The following SRBD1 variants were observed in gnomAD, a reference collection of about 807,000 sequenced individuals.
SRBD1 encodes the protein S1 RNA-binding domain-containing protein 1.
SRBD1 carries 88 observed loss-of-function variants against 115.3 expected under a neutral mutation model. The ratio of observed to expected loss-of-function variants is 0.76; its 90% CI spans 0.64 to 0.91. The LOEUF (loss-of-function observed/expected upper bound fraction) is 0.91, where lower values mean the gene tolerates loss of function less well. Among genes scored for constraint, SRBD1 ranks in the 40% least tolerant of loss-of-function variants. The probability of loss-of-function intolerance (pLI) is 0.00; values close to 1 mark genes in which losing one functional copy is unlikely to be tolerated. For synonymous variants in SRBD1, 509 were observed against 407.7 expected, an observed-to-expected ratio of 1.25 and a Z score of -2.99; for missense variants, 1,385 against 1,177.4, an observed-to-expected ratio of 1.18 and a Z score of -2.58.
chr2:45,608,770 T>C (rs772428782), intron 1 of SRBD1, among the ~76,000 whole-genome samples: 34 of 151,696 alleles, frequency 2.2e-4, no homozygotes, highest in Non-Finnish European at 4.3e-4. Context: ...GTCCTTCCCA[T>C]CTCAATAAGT....
intron 18 of SRBD1, 27 bp downstream of exon 18, chr2:45,418,338 A>G (rs1382911622): frequency 6.2e-7 from 1 of 1,601,024 alleles, no homozygotes; most frequent in Non-Finnish European, 8.5e-7. Context: ...GGTTGACAAT[A>G]GAATCAAAGT....
At chr2:45,568,533 A>C (rs891263630) in intron 9 of SRBD1, among the ~76,000 whole-genome samples, 5 of 152,204 alleles carry the variant, frequency 3.3e-5, no homozygotes, top group African/African-American at 1.2e-4. Flanking sequence ...CTGTTTTTCA[A>C]AACTGACATT....
chr2:45,609,062 C>T (rs541908247), intron 1 of SRBD1, among the ~76,000 whole-genome samples: 1 of 152,304 alleles, frequency 6.6e-6, no homozygotes, highest in South Asian at 2.1e-4. Flanking sequence ...CTGCCTCGGC[C>T]TCCCAAAGTG....
intron 10 of SRBD1, among the ~76,000 whole-genome samples, chr2:45,557,046 G>A (rs978857104): frequency 5.3e-5 from 8 of 152,020 alleles, no homozygotes; most frequent in African/African-American, 1.9e-4. Flanking sequence ...AAAAGAATAA[G>A]GGCATTCTGG....
intron 4 of SRBD1, among the ~76,000 whole-genome samples, chr2:45,595,618 T>C (rs1673870304): frequency 6.6e-6 from 1 of 152,232 alleles, no homozygotes; most frequent in Non-Finnish European, 1.5e-5. Flanking sequence ...TTCTCAACCA[T>C]GTTTACAAGC....
chr2:45,555,488 C>T (rs1336926094), intron 10 of SRBD1, among the ~76,000 whole-genome samples: 1 of 121,386 alleles, frequency 8.2e-6, no homozygotes, highest in South Asian at 2.6e-4. Flanking sequence ...TCATTAAACC[C>T]TTTTTTTTTT....
At chr2:45,598,000 A>T (rs549133562) in intron 4 of SRBD1, among the ~76,000 whole-genome samples, 8 of 152,232 alleles carry the variant, frequency 5.3e-5, no homozygotes, top group Non-Finnish European at 1.2e-4. Context: ...CAATGGAAAT[A>T]ACCTTAAAAA....
intron 16 of SRBD1, among the ~76,000 whole-genome samples, chr2:45,431,191 C>T (rs1191474241): frequency 6.6e-6 from 1 of 152,170 alleles, no homozygotes; most frequent in Non-Finnish European, 1.5e-5. Context: ...AACACTTTAA[C>T]GCTGTTGGTG....
chr2:45,502,948 G>C (rs1283095686), intron 14 of SRBD1, among the ~76,000 whole-genome samples: 1 of 152,138 alleles, frequency 6.6e-6, no homozygotes, highest in Non-Finnish European at 1.5e-5. Context: ...GCCTGCCAAA[G>C]TGCTGGGATG....
chr2:45,456,114 A>T (rs911128450), intron 16 of SRBD1, among the ~76,000 whole-genome samples: 1 of 151,942 alleles, frequency 6.6e-6, no homozygotes, highest in African/African-American at 2.4e-5. Context: ...CTGAGTCCCC[A>T]GAATATAAAA....
intron 16 of SRBD1, among the ~76,000 whole-genome samples, chr2:45,436,565 T>C (rs913462877): frequency 2.7e-4 from 41 of 152,096 alleles, no homozygotes; most frequent in African/African-American, 9.7e-4. Context: ...AAACTTACAA[T>C]CATGATAGAA....
At chr2:45,517,195 C>T (rs1181077609) in intron 14 of SRBD1, among the ~76,000 whole-genome samples, 1 of 152,100 alleles carries the variant, frequency 6.6e-6, no homozygotes, top group African/African-American at 2.4e-5. Context: ...TCAGTTCAAA[C>T]GTTATCAGGC....
chr2:45,442,956 C>A (rs559634707), intron 16 of SRBD1, among the ~76,000 whole-genome samples: 1 of 152,154 alleles, frequency 6.6e-6, no homozygotes, highest in South Asian at 2.1e-4. Context: ...AATGGCCACA[C>A]GTAGTAACAA....
At chr2:45,461,578 A>C (rs1377070718) in intron 16 of SRBD1, among the ~76,000 whole-genome samples, 1 of 152,168 alleles carries the variant, frequency 6.6e-6, no homozygotes, top group Non-Finnish European at 1.5e-5. Flanking sequence ...TCTACAGTGC[A>C]TATGCTTCTG....
chr2:45,596,776 A>G (rs969322600), intron 4 of SRBD1, among the ~76,000 whole-genome samples: 1 of 152,218 alleles, frequency 6.6e-6, no homozygotes, highest in Non-Finnish European at 1.5e-5. Flanking sequence ...CAACACCTTA[A>G]GGTATTATGG....
intron 19 of SRBD1, among the ~76,000 whole-genome samples, chr2:45,409,638 A>T (rs1572604672): frequency 1.3e-5 from 2 of 152,278 alleles, no homozygotes; most frequent in East Asian, 3.9e-4. Context: ...TAAGGAACGT[A>T]CAAATACCTA....
intron 9 of SRBD1, among the ~76,000 whole-genome samples, chr2:45,569,779 C>T (rs571071431): frequency 1.3e-5 from 2 of 152,134 alleles, no homozygotes; most frequent in Non-Finnish European, 2.9e-5. Flanking sequence ...ATACTGGCAT[C>T]AGATTTCTCA....
At chr2:45,610,634 C>G (rs1558512414) in intron 1 of SRBD1, among the ~76,000 whole-genome samples, 1 of 152,208 alleles carries the variant, frequency 6.6e-6, no homozygotes, top group Non-Finnish European at 1.5e-5. Flanking sequence ...CCAATTCATT[C>G]CTTTCCTCCG....
At chr2:45,525,053 A>G (rs1671400045) in intron 14 of SRBD1, among the ~76,000 whole-genome samples, 1 of 151,976 alleles carries the variant, frequency 6.6e-6, no homozygotes, top group African/African-American at 2.4e-5. Context: ...CAGTCTTTTC[A>G]ACAAATGTCG....
Sources: allele counts gnomAD v4.1 joint callset (sites outside exome capture counted in the v4.1 genomes callset), GRCh38; gene constraint gnomAD v4.1.1; transcripts MANE v1.5; gene names NCBI Gene and HGNC (gene_info 2026-07-23, HGNC 2026-07-21).